Variants in TTC13 observed in about 807,000 individuals in gnomAD.
The protein encoded by TTC13 is tetratricopeptide repeat domain 13.
TTC13 carries 62 observed loss-of-function variants against 120.0 expected under a neutral mutation model. The ratio of observed to expected loss-of-function variants is 0.52; its 90% CI spans 0.42 to 0.64. TTC13 has a LOEUF of 0.64. Ranked by LOEUF, TTC13 falls within the 30% of genes least tolerant of loss-of-function variation. The pLI, the probability that TTC13 is intolerant of heterozygous loss-of-function variation, is 0.00. For synonymous variants in TTC13, 384 were observed against 393.5 expected, an observed-to-expected ratio of 0.98 and a Z score of 0.28; for missense variants, 824 against 1,050.2, an observed-to-expected ratio of 0.78 and a Z score of 2.98.
chr1:230,912,015 A>C (rs1671559188), intron 19 of TTC13, among the ~76,000 whole-genome samples: 1 of 152,166 alleles, frequency 6.6e-6, no homozygotes, highest in African/African-American at 2.4e-5. Flanking sequence ...GCAGTGATTA[A>C]ATGTTGGAGA....
chr1:230,931,209 GT>G, intron 11 of TTC13, 88 bp downstream of exon 11: 15 of 1,434,986 alleles, frequency 1.0e-5, no homozygotes, highest in Non-Finnish European at 1.4e-5. Context: ...AGACTCCACT[GT>G]TTCATACGAA....
chr1:230,956,294 G>A (rs1408802171), intron 3 of TTC13: 3 of 186,450 alleles, frequency 1.6e-5, no homozygotes, highest in Non-Finnish European at 3.4e-5. Flanking sequence ...TGGCCAAGGG[G>A]CTGAAATTCC....
At chr1:230,913,046 A>T (rs972449784) in intron 18 of TTC13, among the ~76,000 whole-genome samples, 3 of 152,240 alleles carry the variant, frequency 2.0e-5, no homozygotes, top group Non-Finnish European at 2.9e-5. Flanking sequence ...TATATGGGAA[A>T]ACAATGACAC....
At chr1:230,913,732 GA>G (rs1390723076) in intron 18 of TTC13, among the ~76,000 whole-genome samples, 1 of 152,218 alleles carries the variant, frequency 6.6e-6, no homozygotes. Context: ...ACAACATAGA[GA>G]AAAGCAGGAA....
rs1323879250 is a variant in TTC13, at chr1:230,940,465, C to T, written c.764G>A (p.Arg255Gln). The T allele has an allele frequency of 2.5e-6, 4 of 1,612,414 alleles. No homozygotes were observed. The highest frequency in any genetic ancestry group is 3.4e-6 in the Non-Finnish European group (4 of 1,178,744). Residue 255 changes from arginine to glutamine, a missense_variant, in exon 7 of 23, where the codon CGG (arginine) becomes CAG (glutamine). This residue lies in a region of TTC13 where 430 missense variants were observed against 626.8 expected (regional missense o/e 0.69). Coordinates refer to ENST00000366661, the MANE Select transcript of TTC13 (RefSeq NM_024525.5). This position sits in a 1 kb window ranked among gnomAD's most constrained non-coding sequence, Gnocchi z 4.1. Reference sequence around the variant, plus strand: ...CTCTGATATGAAGTACAGGGTTCCCCGATGTCTGTACAGCCGTGCTGAGGG... The same window carrying T: ...CTCTGATATGAAGTACAGGGTTCCCTGATGTCTGTACAGCCGTGCTGAGGG... ...LQPSARLYRH[R>Q]GTLYFISEDY... is the part of the protein sequence containing the mutation.
At chr1:230,935,015 C>G (rs1673909390) in intron 8 of TTC13, among the ~76,000 whole-genome samples, 1 of 152,214 alleles carries the variant, frequency 6.6e-6, no homozygotes, top group African/African-American at 2.4e-5. Flanking sequence ...GGCTGGTGTG[C>G]AAACTCTTCA....
rs1194311765 is a variant in TTC13 at position 230,978,193 on chromosome 1, C to T, written c.271+367G>A. On this transcript the variant is annotated intron_variant, in intron 1 of 22. Coordinates refer to ENST00000366661, the MANE Select transcript of TTC13 (RefSeq NM_024525.5). The surrounding 1 kb of genome is among the most constrained non-coding windows in gnomAD (Gnocchi z 5.6). Reference sequence around the variant, plus strand: ...TGCTCGTCCGCCCGCCCCTCCCTCGCCCCTTCGGCATCCTCGGGAGGCCGG... The same window carrying T: ...TGCTCGTCCGCCCGCCCCTCCCTCGTCCCTTCGGCATCCTCGGGAGGCCGG... 1.3e-5 allele frequency among the ~76,000 whole-genome samples: 2 copies of T among 152,124 alleles called. No homozygotes were observed. Among genetic ancestry groups the T allele is most frequent in the South Asian group, 4.1e-4 (2 of 4,834 alleles).
intron 11 of TTC13, among the ~76,000 whole-genome samples, chr1:230,929,432 G>A (rs968789044): frequency 6.7e-6 from 1 of 150,208 alleles, no homozygotes; most frequent in Admixed American, 6.7e-5. Context: ...CTCCTGCCTC[G>A]GCCTCCCGAG....
Position 230,943,810 on chromosome 1 carries a change from G to A in TTC13, c.668C>T (p.Ala223Val). 3.1e-6 allele frequency: 5 copies of A among 1,606,472 alleles called. No individual in the cohort carries two copies. The highest frequency in any genetic ancestry group is 3.4e-6 in the Non-Finnish European group (4 of 1,175,176). ...PDRPEVFEQR[A>V]EILSPLGRIN... is the part of the protein sequence containing the mutation. ...GAAAAAGAAAGCCACACTCACTTCT[G>A]CTCGCTGCTCAAATACCTCTGGACG... Residue 223 changes from alanine to valine, a missense_variant, in exon 6 of 23, where the codon GCA (alanine) becomes GTA (valine). Ala to Val is a moderately conservative substitution (Grantham distance 64, BLOSUM62 0). Around this residue, in one of 4 missense-constraint regions of TTC13, gnomAD observed 430 missense variants for 626.8 expected, o/e 0.69. Coordinates refer to ENST00000366661, the MANE Select transcript of TTC13 (RefSeq NM_024525.5).
At chr1:230,974,593 G>A (rs1678086990) in intron 1 of TTC13, among the ~76,000 whole-genome samples, 1 of 152,100 alleles carries the variant, frequency 6.6e-6, no homozygotes, top group Admixed American at 6.5e-5. Flanking sequence ...CTCGGTCTAA[G>A]TACACTCTTT....
In TTC13 at chr1:230,923,834, T is replaced by G. The variant is rs1165753983; in HGVS notation, c.1814+7A>C. The stretch of plus-strand genomic sequence containing the variant: ...GAAAAGAAGAAAGATGCACAAAAGG[T>G]TCGTACCTGATTAAATTAATGTGGT... On this transcript the variant is annotated splice_region_variant and intron_variant, in intron 15 of 22. Coordinates refer to ENST00000366661, the MANE Select transcript of TTC13 (RefSeq NM_024525.5). 1 of 1,610,660 alleles carries G rather than the reference T, an allele frequency of 6.2e-7. No individual in the cohort carries two copies. The highest frequency in any genetic ancestry group is 8.5e-7 in the Non-Finnish European group (1 of 1,177,542).
rs755312843 is a variant in TTC13 at position 230,906,949 on chromosome 1, C to T, written c.2539G>A (p.Val847Met). ...CGTGGAGAAGAGTCTGTGTTTAGCA[C>T]CTCAATCATCGATCTTAACGTTGGA... ...TFPTLRSMIE[V>M]LNTDSSPRCL... Residue 847 changes from valine (V) to methionine (M), a missense_variant, in exon 23 of 23, where the codon GTG (valine) becomes ATG (methionine). Physicochemically the swap from Val to Met is conservative, Grantham distance 21. Transcript: ENST00000366661. 1.9e-6 allele frequency: 3 copies of T among 1,545,126 alleles called. No homozygotes were observed. Among genetic ancestry groups the T allele is most frequent in the South Asian group, 1.2e-5 (1 of 81,116 alleles).
intron 3 of TTC13, among the ~76,000 whole-genome samples, chr1:230,955,613 G>A (rs1377074418): frequency 2.0e-5 from 3 of 148,238 alleles, no homozygotes; most frequent in Non-Finnish European, 3.0e-5. Flanking sequence ...GGAGCTTGCA[G>A]TGAGCCGAGA....
intron 15 of TTC13, among the ~76,000 whole-genome samples, chr1:230,922,270 T>C (rs1226855249): frequency 1.3e-5 from 2 of 152,120 alleles, no homozygotes; most frequent in East Asian, 3.9e-4. Context: ...GTGCTCCTGA[T>C]TCTATCTTCT....
chr1:230,941,884 T>C (rs1674562203), intron 6 of TTC13, among the ~76,000 whole-genome samples: 1 of 152,164 alleles, frequency 6.6e-6, no homozygotes, highest in Non-Finnish European at 1.5e-5. Flanking sequence ...ATGATAATAA[T>C]GAGTAACTTT....
At chr1:230,937,984 C>T (rs1364134378) in intron 8 of TTC13, among the ~76,000 whole-genome samples, 9 of 152,194 alleles carry the variant, frequency 5.9e-5, no homozygotes, top group Admixed American at 5.2e-4. Context: ...GTATTGAGCA[C>T]CTACTTTGTG....
At position 230,961,114 on chromosome 1, in the gene TTC13, C is replaced by T. The variant is rs552029720; in HGVS notation, c.366+95G>A. The T allele has an allele frequency of 8.6e-4, 776 of 900,214 alleles. 1 individual carries two copies. The highest frequency in any genetic ancestry group is 1.7e-3 in the Admixed American group (72 of 43,340). 55.8% of individuals were successfully genotyped at this position (900,214 alleles called of 1,614,324 possible). The stretch of plus-strand genomic sequence containing the variant: ...CCTATGCATGTAGACTCAACGAGGC[C>T]CAACTTCTAGTTGACAGAGGCGACT... On this transcript the variant is annotated intron_variant, in intron 2 of 22. Coordinates refer to ENST00000366661, the MANE Select transcript of TTC13 (RefSeq NM_024525.5).
At chr1:230,939,149 A>C (rs1163580514) in intron 8 of TTC13, among the ~76,000 whole-genome samples, 1 of 152,230 alleles carries the variant, frequency 6.6e-6, no homozygotes, top group Non-Finnish European at 1.5e-5. Flanking sequence ...TGTTTACCAT[A>C]TGATAAATTA....
At position 230,978,110 on chromosome 1, in the gene TTC13, C is replaced by A. The variant is rs145348922; in HGVS notation, c.271+450G>T. 2.8e-4 allele frequency among the ~76,000 whole-genome samples: 43 copies of A among 152,360 alleles called. No individual in the cohort carries two copies. Among genetic ancestry groups the A allele is most frequent in the African/African-American group, 1.0e-3 (42 of 41,582 alleles). ...GAGGTCAGGAAGCCTGATTTCCAGG[C>A]CTAAGATGTGCCAGGCGTCTCCCTC... On this transcript the variant is annotated intron_variant, in intron 1 of 22. Transcript: ENST00000366661. This position sits in a 1 kb window ranked among gnomAD's most constrained non-coding sequence, Gnocchi z 5.6.
Sources: gnomAD v4.1 joint callset for allele counts (sites outside exome capture counted in the v4.1 genomes callset) on GRCh38, gnomAD v4.1.1 for gene constraint, gnomAD v4.1.1 regional missense constraint, Gnocchi (gnomAD v3.1) non-coding constraint, MANE v1.5 for transcripts, NCBI Gene and HGNC (gene_info 2026-07-23, HGNC 2026-07-21) for gene names.